SLC22A23: variants seen among roughly 807,000 people sequenced by gnomAD.
The protein encoded by SLC22A23 is ion transporter protein.
SLC22A23 carries 26 observed loss-of-function variants against 61.0 expected under a neutral mutation model. The observed-to-expected ratio is 0.43, with a 90% confidence interval of 0.31 to 0.59. The LOEUF is 0.59. SLC22A23 is among the 20% of genes least tolerant of loss of function. The pLI is 0.11. For missense variants in SLC22A23, 796 were observed against 934.7 expected (o/e 0.85, Z 1.94); for synonymous variants, 430 against 413.9 (o/e 1.04, Z -0.47).
chr6:3,313,693 G>C (rs1762482842), intron 4 of SLC22A23: 1 of 152,148 alleles, frequency 6.6e-6, no homozygotes, highest in South Asian at 2.1e-4. Flanking sequence ...GTTTGGGCAG[G>C]AAAAAAGGCT....
intron 1 of SLC22A23, among the ~76,000 whole-genome samples, chr6:3,430,171 T>G (rs990965097): frequency 1.3e-4 from 20 of 152,234 alleles, no homozygotes; most frequent in Non-Finnish European, 1.5e-4. Context: ...AATCCTGGAT[T>G]AGGCAGCAGA....
At chr6:3,391,972 G>GA (rs1241349620) in intron 3 of SLC22A23, among the ~76,000 whole-genome samples, 135 of 152,248 alleles carry the variant, frequency 8.9e-4, no homozygotes, top group African/African-American at 3.1e-3. Flanking sequence ...AAGATCAAAG[G>GA]GCCAAACCAT....
Position 3,309,227 on chromosome 6 carries a change from G to A in SLC22A23, c.1083-11009C>T, listed in dbSNP as rs930457379. 1.3e-5 allele frequency among the ~76,000 whole-genome samples: 2 copies of A among 151,772 alleles called. No homozygotes were observed. Among genetic ancestry groups the A allele is most frequent in the Non-Finnish European group, 1.5e-5 (1 of 67,958 alleles). ...GAGACAGGAGAATCGCTTGAACCCG[G>A]GAGGTTTGCAGTGGACCAAGGTCGT... On this transcript the variant is annotated intron_variant, in intron 4 of 9. Coordinates refer to ENST00000406686, the MANE Select transcript of SLC22A23 (RefSeq NM_015482.2). This position sits in a 1 kb window ranked among gnomAD's most constrained non-coding sequence, Gnocchi z 4.7.
intron 3 of SLC22A23, among the ~76,000 whole-genome samples, chr6:3,359,225 GAC>G (rs1427982359): frequency 1.3e-5 from 2 of 151,694 alleles, no homozygotes; most frequent in Non-Finnish European, 2.9e-5. Context: ...TTCATTCTAG[GAC>G]AGTACTAGAA....
In SLC22A23 at chr6:3,456,507, G is replaced by T; in HGVS notation, c.53C>A (p.Pro18Gln). The T allele has an allele frequency of 9.7e-7, 1 of 1,035,236 alleles. No individual in the cohort carries two copies. Among genetic ancestry groups the T allele is most frequent in the Non-Finnish European group, 1.2e-6 (1 of 864,570 alleles). 64.1% of individuals were successfully genotyped at this position (1,035,236 alleles called of 1,614,324 possible). ...EAAGGGPGRQ[P>Q]APAEENGSLP... Reference sequence around the variant, plus strand: ...GGAGCCGTTCTCCTCGGCCGGGGCCGGCTGCCGCCCAGGCCCGCCGCCCGC... The same window carrying T: ...GGAGCCGTTCTCCTCGGCCGGGGCCTGCTGCCGCCCAGGCCCGCCGCCCGC... Residue 18 changes from proline to glutamine, a missense_variant, in exon 1 of 10, where the codon CCG becomes CAG. Transcript: ENST00000406686. This position sits in a 1 kb window ranked among gnomAD's most constrained non-coding sequence, Gnocchi z 7.1.
At chr6:3,434,018 T>TA (rs930455941) in intron 1 of SLC22A23, among the ~76,000 whole-genome samples, 1 of 152,134 alleles carries the variant, frequency 6.6e-6, no homozygotes, top group African/African-American at 2.4e-5. Context: ...GCCTCCACTT[T>TA]AAAAAATCTG....
chr6:3,393,201 G>A (rs955956009), intron 3 of SLC22A23, among the ~76,000 whole-genome samples: 1 of 152,188 alleles, frequency 6.6e-6, no homozygotes, highest in Non-Finnish European at 1.5e-5. Context: ...GGTGACGAAA[G>A]CCTCAGTGGA....
chr6:3,365,119 G>A (rs1581757716), intron 3 of SLC22A23, among the ~76,000 whole-genome samples: 1 of 152,162 alleles, frequency 6.6e-6, no homozygotes, highest in African/African-American at 2.4e-5. Flanking sequence ...AGGAGTTGGA[G>A]ATCAATCTGG....
chr6:3,378,714 A>G (rs1271419535), intron 3 of SLC22A23, among the ~76,000 whole-genome samples: 3 of 143,940 alleles, frequency 2.1e-5, no homozygotes, highest in East Asian at 2.0e-4. Context: ...CTGGAGTGCA[A>G]TGGCGTGATC....
intron 3 of SLC22A23, among the ~76,000 whole-genome samples, chr6:3,362,799 T>C (rs923545666): frequency 6.6e-6 from 1 of 152,088 alleles, no homozygotes. Context: ...AGAGGAAGCA[T>C]GAATGAAATG....
chr6:3,389,669 T>G (rs923706647), intron 3 of SLC22A23, among the ~76,000 whole-genome samples: 9 of 152,150 alleles, frequency 5.9e-5, no homozygotes, highest in African/African-American at 2.2e-4. Flanking sequence ...AGCCCTAAAC[T>G]CCTCAGGGTG....
chr6:3,303,428 G>C (rs1761757336), intron 4 of SLC22A23: 1 of 152,338 alleles, frequency 6.6e-6, no homozygotes, highest in Non-Finnish European at 1.5e-5. Flanking sequence ...ATTTGCAAAA[G>C]CTAAGATATG....
intron 3 of SLC22A23, among the ~76,000 whole-genome samples, chr6:3,374,280 C>G (rs1431707074): frequency 6.6e-6 from 1 of 152,238 alleles, no homozygotes; most frequent in African/African-American, 2.4e-5. Flanking sequence ...CCTGGTATAT[C>G]TTTGGGTTCC....
chr6:3,328,911 T>C lies in SLC22A23; in HGVS notation c.914-4909A>G, dbSNP rs1266937948. 6.6e-6 allele frequency among the ~76,000 whole-genome samples: 1 copy of C among 152,066 alleles called. No individual in the cohort carries two copies. The highest frequency in any genetic ancestry group is 1.5e-5 in the Non-Finnish European group (1 of 68,008). ...AGCTGCACCCCCTCCCTCCCCTTCTTACTCCCCACTCTCTCATCCTGTCCC... is the reference window on the plus strand; with the variant it reads ...AGCTGCACCCCCTCCCTCCCCTTCTCACTCCCCACTCTCTCATCCTGTCCC... On this transcript the variant is annotated intron_variant, in intron 3 of 9. Transcript: ENST00000406686. This position sits in a 1 kb window ranked among gnomAD's most constrained non-coding sequence, Gnocchi z 5.0.
Position 3,360,585 on chromosome 6 carries a change from G to GA in SLC22A23, c.914-36584dup, listed in dbSNP as rs1315523218. On this transcript the variant is annotated intron_variant, in intron 3 of 9. Transcript: ENST00000406686. The surrounding 1 kb of genome is among the most constrained non-coding windows in gnomAD (Gnocchi z 4.6). Reference sequence around the variant, plus strand: ...CACTTTGGGGCCTTTGCACACATCCGAGTCAACCTCAACAGTCTTAGTCCA... The same window carrying GA: ...CACTTTGGGGCCTTTGCACACATCCGAAGTCAACCTCAACAGTCTTAGTCCA... Among the ~76,000 whole-genome samples, 1 of 152,212 alleles carries GA rather than the reference G, an allele frequency of 6.6e-6. No homozygotes were observed. The highest frequency in any genetic ancestry group is 1.5e-5 in the Non-Finnish European group (1 of 68,040).
rs769960724 is a variant in SLC22A23, at chr6:3,318,236, C to T, written c.1082+5598G>A. Among the ~76,000 whole-genome samples the T allele has an allele frequency of 1.3e-4, 20 of 152,206 alleles. No individual in the cohort carries two copies. Among genetic ancestry groups the T allele is most frequent in the Non-Finnish European group, 2.5e-4 (17 of 68,032 alleles). ...TTAACATCTGGAGCCTTGCTGATTC[C>T]AGAGAGGCTGCTCCTCCCAGGGTTC... On this transcript the variant is annotated intron_variant, in intron 4 of 9. Transcript: ENST00000406686. The surrounding 1 kb of genome is among the most constrained non-coding windows in gnomAD (Gnocchi z 4.3).
chr6:3,412,099 G>A (rs145747336), intron 2 of SLC22A23, among the ~76,000 whole-genome samples: 77 of 152,270 alleles, frequency 5.1e-4, no homozygotes, highest in African/African-American at 1.7e-3. Context: ...AACGCCTGGC[G>A]CAGAGGAAAT....
intron 3 of SLC22A23, among the ~76,000 whole-genome samples, chr6:3,340,366 C>T (rs963139982): frequency 6.6e-6 from 1 of 152,102 alleles, no homozygotes; most frequent in African/African-American, 2.4e-5. Context: ...TCAAACAGCA[C>T]GTTAGTATAA....
intron 1 of SLC22A23, among the ~76,000 whole-genome samples, chr6:3,435,705 G>A (rs1247128609): frequency 6.6e-6 from 1 of 152,168 alleles, no homozygotes. Context: ...GTTGAAGTGT[G>A]TCCACCCTGC....
Sources: allele counts gnomAD v4.1 joint callset (sites outside exome capture counted in the v4.1 genomes callset), GRCh38; gene constraint gnomAD v4.1.1; non-coding constraint Gnocchi (gnomAD v3.1); transcripts MANE v1.5; gene names NCBI Gene and HGNC (gene_info 2026-07-23, HGNC 2026-07-21).